DIP2C: variants seen among roughly 807,000 people sequenced by gnomAD.
DIP2C encodes the protein disco-interacting protein 2 homolog C.
In DIP2C, 33 loss-of-function variants were observed where a neutral mutation model predicts 192.4. The ratio of observed to expected loss-of-function variants is 0.17; its 90% CI spans 0.13 to 0.23. The LOEUF (loss-of-function observed/expected upper bound fraction) is 0.23, where lower values mean the gene tolerates loss of function less well. Among genes scored for constraint, DIP2C ranks in the 10% least tolerant of loss-of-function variants. The pLI, the probability that DIP2C is intolerant of heterozygous loss-of-function variation, is 1.00. For synonymous variants in DIP2C, 979 were observed against 864.1 expected (o/e 1.13, Z -2.33); for missense variants, 1,537 against 2,110.1 (o/e 0.73, Z 5.32).
Position 486,425 on chromosome 10 carries a change from G to C in DIP2C, c.157+34C>G, listed in dbSNP as rs534119816. The C allele has an allele frequency of 3.9e-6, 6 of 1,555,392 alleles. No individual in the cohort carries two copies. The East Asian group carries it at 7.0e-5, about 18-fold the overall frequency. On this transcript the variant is annotated intron_variant, in intron 2 of 36. Coordinates refer to ENST00000280886, the MANE Select transcript of DIP2C (RefSeq NM_014974.3). ...CTGGCACATAGTGAATGCGGGAAAT[G>C]AGAGGACTCATGCTACTCATGGGGG...
chr10:639,941 G>A (rs1262490048), intron 1 of DIP2C, among the ~76,000 whole-genome samples: 2 of 151,962 alleles, frequency 1.3e-5, no homozygotes, highest in South Asian at 2.1e-4. Context: ...CTGACCACGC[G>A]GCATCTGCTG....
chr10:571,991 G>A (rs1454407317), intron 1 of DIP2C, among the ~76,000 whole-genome samples: 5 of 152,220 alleles, frequency 3.3e-5, no homozygotes, highest in Non-Finnish European at 7.3e-5. Context: ...TTGGTTTCAT[G>A]TTTGCGAAAT....
At chr10:508,895 A>C (rs936259088) in intron 1 of DIP2C, among the ~76,000 whole-genome samples, 4 of 152,068 alleles carry the variant, frequency 2.6e-5, no homozygotes, top group African/African-American at 9.7e-5. Context: ...GCAGTGCTGG[A>C]AGGCGGCCAC....
At position 484,964 on chromosome 10, in the gene DIP2C, A is replaced by G. The variant is rs371425890; in HGVS notation, c.157+1495T>C. On this transcript the variant is annotated intron_variant, in intron 2 of 36. Transcript: ENST00000280886. ...CCATTCGCTGCTGTAACAAGTTGAAAAAAAACTAATTAATTCAAACTTTAG... is the reference window on the plus strand; with the variant it reads ...CCATTCGCTGCTGTAACAAGTTGAAGAAAAACTAATTAATTCAAACTTTAG... 1.0e-3 allele frequency: 1,627 copies of G among 1,597,018 alleles called. 3 individuals are homozygous for G. Among genetic ancestry groups the G allele is most frequent in the Non-Finnish European group, 7.3e-4 (858 of 1,174,608 alleles).
chr10:315,410 T>C (rs1956734855), intron 31 of DIP2C, among the ~76,000 whole-genome samples: 1 of 152,226 alleles, frequency 6.6e-6, no homozygotes, highest in Middle Eastern at 3.2e-3. Flanking sequence ...GTGACACGTA[T>C]TTGCTGAACG....
intron 10 of DIP2C, among the ~76,000 whole-genome samples, chr10:391,471 G>A (rs1963451395): frequency 6.6e-6 from 1 of 152,182 alleles, no homozygotes; most frequent in Admixed American, 6.5e-5. Context: ...ACCAGATACA[G>A]GTGGCTCCAG....
Position 511,857 on chromosome 10 carries a change from G to C in DIP2C, c.86-25327C>G, listed in dbSNP as rs560275691. 5.9e-5 allele frequency among the ~76,000 whole-genome samples: 9 copies of C among 152,348 alleles called. No individual in the cohort carries two copies. In the South Asian group the frequency reaches 1.9e-3, roughly 32 times the overall value. ...TTTCAAAACTGTAAGAACAAAGTGA[G>C]CCTGGCTTTAACCTGTGTGACACGA... On this transcript the variant is annotated intron_variant, in intron 1 of 36. Coordinates refer to ENST00000280886, the MANE Select transcript of DIP2C (RefSeq NM_014974.3).
chr10:657,288 A>C (rs28723459), intron 1 of DIP2C, among the ~76,000 whole-genome samples: 9 of 2,802 alleles, frequency 3.2e-3, no homozygotes, highest in East Asian at 0.015. Flanking sequence ...TGGACCTGCC[A>C]CTGGACCTGT....
chr10:358,361 G>A (rs987883616), intron 22 of DIP2C, among the ~76,000 whole-genome samples: 2 of 151,044 alleles, frequency 1.3e-5, no homozygotes, highest in Admixed American at 1.3e-4. Context: ...AGAGCTGGCT[G>A]TGGACAAACA....
intron 23 of DIP2C, 64 bp downstream of exon 23, chr10:357,764 A>T (rs1265083115): frequency 7.8e-7 from 1 of 1,284,244 alleles, no homozygotes; most frequent in African/African-American, 1.5e-5. Context: ...GGATGGTCGC[A>T]GATGGTCGGG....
rs1564199533 is a variant in DIP2C, at chr10:559,341, G to GGGGGAACA, written c.86-72812_86-72811insTGTTCCCC. 6.6e-5 allele frequency among the ~76,000 whole-genome samples: 10 copies of GGGGGAACA among 150,972 alleles called. No homozygotes were observed. In the East Asian group the frequency reaches 1.9e-3, roughly 29 times the overall value. ...GGGCGGTGGGGAACGCCGGGGGAAC[G>GGGGGAACA]CCGGGGGAAGCCCCACACAAGCTCG... On this transcript the variant is annotated intron_variant, in intron 1 of 36. Transcript: ENST00000280886.
In DIP2C at chr10:459,575, A is replaced by G. The variant is rs185728380; in HGVS notation, c.268+12864T>C. Reference sequence around the variant, plus strand: ...ATCTTCCTCTCAGTCACATCAGGGAACCACATGCTGCACGTGGGCTCTAGG... The same window carrying G: ...ATCTTCCTCTCAGTCACATCAGGGAGCCACATGCTGCACGTGGGCTCTAGG... On this transcript the variant is annotated intron_variant, in intron 3 of 36. Transcript: ENST00000280886. Among the ~76,000 whole-genome samples the G allele has an allele frequency of 2.6e-5, 4 of 152,040 alleles. No individual in the cohort carries two copies. In the South Asian group the frequency reaches 6.2e-4, roughly 24 times the overall value.
chr10:419,329 G>A (rs1004375842), intron 5 of DIP2C, 130 bp from the exon 6 acceptor site: 37 of 1,319,472 alleles, frequency 2.8e-5, no homozygotes, highest in South Asian at 5.3e-5. Flanking sequence ...AGCCAGAGCC[G>A]ATCTCAGCCG....
At chr10:513,182 T>C (rs923173942) in intron 1 of DIP2C, among the ~76,000 whole-genome samples, 16 of 152,038 alleles carry the variant, frequency 1.1e-4, no homozygotes, top group Admixed American at 1.3e-4. Context: ...CTTCAGGTGC[T>C]GTATGCCTAA....
chr10:380,253 T>C (rs1315483332), intron 17 of DIP2C, among the ~76,000 whole-genome samples: 1 of 149,962 alleles, frequency 6.7e-6, no homozygotes, highest in Non-Finnish European at 1.5e-5. Context: ...CCCTGGAAGA[T>C]GGTTAACGTG....
chr10:339,066 G>A (rs1958017628), intron 29 of DIP2C, among the ~76,000 whole-genome samples: 4 of 151,840 alleles, frequency 2.6e-5, no homozygotes, highest in African/African-American at 9.7e-5. Flanking sequence ...TCCCCACCCT[G>A]CTACACTCTT....
chr10:329,430 T>C lies in DIP2C; in HGVS notation c.3753+3A>G, dbSNP rs1285353703. 1 of 1,611,952 alleles carries C rather than the reference T, an allele frequency of 6.2e-7. No individual in the cohort carries two copies. Among genetic ancestry groups the C allele is most frequent in the African/African-American group, 1.3e-5 (1 of 74,856 alleles). On this transcript the variant is annotated splice_donor_region_variant and intron_variant, in intron 30 of 36. Coordinates refer to ENST00000280886, the MANE Select transcript of DIP2C (RefSeq NM_014974.3). Reference sequence around the variant, plus strand: ...GCACTGAGCTGCCAAGGGAGCTGCTTACCTTGAGGGACTCTGTTTGCGAGC... The same window carrying C: ...GCACTGAGCTGCCAAGGGAGCTGCTCACCTTGAGGGACTCTGTTTGCGAGC...
At chr10:503,266 A>C (rs1273342189) in intron 1 of DIP2C, among the ~76,000 whole-genome samples, 1 of 152,236 alleles carries the variant, frequency 6.6e-6, no homozygotes, top group Non-Finnish European at 1.5e-5. Context: ...TCCTGCCAGG[A>C]CTTTCTGTAG....
At chr10:550,685 G>A (rs1279159389) in intron 1 of DIP2C, among the ~76,000 whole-genome samples, 1 of 152,044 alleles carries the variant, frequency 6.6e-6, no homozygotes, top group Non-Finnish European at 1.5e-5. Flanking sequence ...TGTAAAATCA[G>A]GTGGAGAAAA....
Sources: allele counts gnomAD v4.1 joint callset (sites outside exome capture counted in the v4.1 genomes callset), GRCh38; gene constraint gnomAD v4.1.1; transcripts MANE v1.5; gene names NCBI Gene and HGNC (gene_info 2026-07-23, HGNC 2026-07-21).